Variants in SMARCA2 observed in about 807,000 individuals in gnomAD.
The protein encoded by SMARCA2 is SWI/SNF related BAF chromatin remodeling complex subunit ATPase 2.
A neutral mutation model predicts 199.8 loss-of-function variants in SMARCA2; 61 were observed. That is an observed-to-expected ratio of 0.31 (90% CI 0.25 to 0.38). The LOEUF (loss-of-function observed/expected upper bound fraction) is 0.38, where lower values mean the gene tolerates loss of function less well. SMARCA2 is among the 10% of genes least tolerant of loss of function. The probability of loss-of-function intolerance (pLI) is 1.00; values close to 1 mark genes in which losing one functional copy is unlikely to be tolerated. For synonymous variants in SMARCA2, 935 were observed against 732.0 expected (o/e 1.28, Z -4.48); for missense variants, 1,344 against 2,012.2 (o/e 0.67, Z 6.35).
At chr9:2,124,060 C>G (rs966186032) in intron 27 of SMARCA2, 123 bp downstream of exon 27, 8 of 745,864 alleles carry the variant, frequency 1.1e-5, no homozygotes, top group South Asian at 4.5e-5. Context: ...GGAAGGGGCT[C>G]TTGAACACAG....
chr9:2,052,383 G>A (rs950709845), intron 5 of SMARCA2, among the ~76,000 whole-genome samples: 2 of 152,242 alleles, frequency 1.3e-5, no homozygotes, highest in Non-Finnish European at 2.9e-5. Context: ...CTGAGAGGCA[G>A]GAGAATCGCT....
chr9:2,047,125 C>A (rs1184348589), intron 4 of SMARCA2, 104 bp from the exon 5 acceptor site: 1 of 846,680 alleles, frequency 1.2e-6, no homozygotes, highest in Non-Finnish European at 1.4e-6. Flanking sequence ...GTTTAAGACA[C>A]TTAATGGTCC....
chr9:2,186,015 GCT>G, intron 31 of SMARCA2, 79 bp from the exon 32 acceptor site: 1 of 1,306,876 alleles, frequency 7.7e-7, no homozygotes, highest in Non-Finnish European at 1.1e-6. Context: ...TGTGAATTAA[GCT>G]GGTGTATTGC....
At chr9:2,162,893 G>A (rs1257000663) in intron 28 of SMARCA2, 2 of 152,166 alleles carry the variant, frequency 1.3e-5, no homozygotes, top group Non-Finnish European at 2.9e-5. Flanking sequence ...GGAGGAATCA[G>A]ATATTAAGCA....
At chr9:2,183,948 C>CT (rs1183051232) in intron 31 of SMARCA2, among the ~76,000 whole-genome samples, 22 of 152,296 alleles carry the variant, frequency 1.4e-4, no homozygotes, top group African/African-American at 5.3e-4. Context: ...TTCACTCTGA[C>CT]TGTCTCACAA....
chr9:2,042,053 A>C (rs901108867), intron 4 of SMARCA2: 4 of 152,200 alleles, frequency 2.6e-5, no homozygotes, highest in African/African-American at 7.2e-5. Flanking sequence ...CATGACAAGG[A>C]AAAAAACCTA....
chr9:2,167,484 G>A (rs1442176965), intron 28 of SMARCA2, among the ~76,000 whole-genome samples: 2 of 152,244 alleles, frequency 1.3e-5, no homozygotes, highest in African/African-American at 4.8e-5. Flanking sequence ...ATGCAGCAAA[G>A]TGATGGAGGA....
rs961374286 is a variant in SMARCA2 at position 2,086,543 on chromosome 9, A to G, written c.2527-286A>G. On this transcript the variant is annotated intron_variant, in intron 17 of 33. Coordinates refer to ENST00000349721, the MANE Select transcript of SMARCA2 (RefSeq NM_003070.5). This position sits in a 1 kb window ranked among gnomAD's most constrained non-coding sequence, Gnocchi z 4.3. ...GGGGAGAGGCAGGATCCACACGTGG[A>G]AACAACCATGTCATTCTGGACCCAA... Among the ~76,000 whole-genome samples, 1 of 152,224 alleles carries G rather than the reference A, an allele frequency of 6.6e-6. No individual in the cohort carries two copies. The highest frequency in any genetic ancestry group is 6.5e-5 in the Admixed American group (1 of 15,284).
chr9:2,167,922 G>C (rs1391730050), intron 28 of SMARCA2, among the ~76,000 whole-genome samples: 1 of 152,086 alleles, frequency 6.6e-6, no homozygotes, highest in Non-Finnish European at 1.5e-5. Flanking sequence ...AGGGAAGTAG[G>C]GGTCGTATGA....
At chr9:2,054,798 CT>C in intron 6 of SMARCA2, 75 bp downstream of exon 6, 1 of 1,478,086 alleles carries the variant, frequency 6.8e-7, no homozygotes, top group East Asian at 2.3e-5. Context: ...TCTGTGTTGC[CT>C]TTAGTCTATT....
At chr9:2,055,460 AG>A (rs1051082734) in intron 6 of SMARCA2, 4 of 152,242 alleles carry the variant, frequency 2.6e-5, no homozygotes, top group African/African-American at 4.8e-5. Flanking sequence ...ACTAACCCAA[AG>A]GGGATAAGGA....
chr9:2,126,220 T>A (rs1823687782), intron 27 of SMARCA2, among the ~76,000 whole-genome samples: 1 of 152,258 alleles, frequency 6.6e-6, no homozygotes, highest in Admixed American at 6.5e-5. Context: ...GAAAATTGGT[T>A]TTTATAATTG....
At chr9:2,018,759 A>G (rs1041840671) in intron 1 of SMARCA2, among the ~76,000 whole-genome samples, 2 of 152,238 alleles carry the variant, frequency 1.3e-5, no homozygotes, top group African/African-American at 4.8e-5. Context: ...ATAATAATTT[A>G]AAAAGCCATA....
intron 27 of SMARCA2, among the ~76,000 whole-genome samples, chr9:2,147,152 G>A (rs999663788): frequency 1.3e-4 from 19 of 149,736 alleles, no homozygotes; most frequent in Non-Finnish European, 2.4e-4. Context: ...TTTAAGATCT[G>A]AGCAATAGGA....
At chr9:2,087,270 T>G in intron 18 of SMARCA2, 199 bp downstream of exon 18, 2 of 616,496 alleles carry the variant, frequency 3.2e-6, no homozygotes, top group South Asian at 4.0e-5. Context: ...TAGTGGTACA[T>G]GGGGCATCTA....
chr9:2,056,623 A>C lies in SMARCA2; in HGVS notation c.1174-49A>C, dbSNP rs1352082450. Reference sequence around the variant, plus strand: ...AACCGCGAGAAGGCCAGAGTTCAGGAACCTAGCTTCTGTTAGGGAAGGCTG... The same window carrying C: ...AACCGCGAGAAGGCCAGAGTTCAGGCACCTAGCTTCTGTTAGGGAAGGCTG... On this transcript the variant is annotated intron_variant, in intron 6 of 33. Coordinates refer to ENST00000349721, the MANE Select transcript of SMARCA2 (RefSeq NM_003070.5). The surrounding 1 kb of genome is among the most constrained non-coding windows in gnomAD (Gnocchi z 4.0). 20 of 1,565,536 alleles carry C rather than the reference A, an allele frequency of 1.3e-5. No individual in the cohort carries two copies. The highest frequency in any genetic ancestry group is 1.7e-5 in the Non-Finnish European group (20 of 1,154,304).
At chr9:2,049,497 G>A (rs954343512) in intron 5 of SMARCA2, among the ~76,000 whole-genome samples, 1 of 152,162 alleles carries the variant, frequency 6.6e-6, no homozygotes, top group Non-Finnish European at 1.5e-5. Context: ...ATTTTTCATA[G>A]TATTATTATT....
chr9:2,025,577 G>A (rs1001236348), intron 1 of SMARCA2, among the ~76,000 whole-genome samples: 1 of 152,164 alleles, frequency 6.6e-6, no homozygotes, highest in Non-Finnish European at 1.5e-5. Context: ...TATCTCTATT[G>A]TCTCATTAGT....
rs536353650 is a variant in SMARCA2, at chr9:2,157,867, C to T, written c.3982-3819C>T. 5.5e-4 allele frequency: 219 copies of T among 398,504 alleles called. 1 individual carries two copies. The highest frequency in any genetic ancestry group is 2.2e-3 in the Admixed American group (51 of 22,724). 24.7% of individuals were successfully genotyped at this position (398,504 alleles called of 1,614,324 possible). A position where few individuals can be genotyped will look rare whatever the true frequency, so the allele number is the denominator to read the frequency against. ...CCTGAGGCTGACTTTCTGGACCTGC[C>T]GTCACGCAGTAAAGATGTGGTTGGT... is the stretch of plus-strand genomic sequence containing the variant. On this transcript the variant is annotated intron_variant, in intron 27 of 33. Coordinates refer to ENST00000349721, the MANE Select transcript of SMARCA2 (RefSeq NM_003070.5).
Sources: gnomAD v4.1 joint callset for allele counts (sites outside exome capture counted in the v4.1 genomes callset) on GRCh38, gnomAD v4.1.1 for gene constraint, Gnocchi (gnomAD v3.1) non-coding constraint, MANE v1.5 for transcripts, NCBI Gene and HGNC (gene_info 2026-07-23, HGNC 2026-07-21) for gene names.